Variants in BOK observed in about 807,000 individuals in gnomAD.
BOK encodes bcl-2-related ovarian killer protein.
Under a neutral mutation model 18.3 loss-of-function variants are expected in BOK, and 20 were observed. The observed-to-expected ratio is 1.09, with a 90% CI of 0.77 to 1.59. The LOEUF is 1.59. Ranked by LOEUF, BOK falls within the 40% of genes most tolerant of loss-of-function variation. The pLI is 0.00. For missense variants in BOK, 348 were observed against 307.9 expected, an observed-to-expected ratio of 1.13 and a Z score of -0.97; for synonymous variants, 173 against 142.4, an observed-to-expected ratio of 1.21 and a Z score of -1.53.
chr2:241,572,436 C>G lies in BOK; in HGVS notation c.*14C>G. 1 of 1,591,296 alleles carries G rather than the reference C, an allele frequency of 6.3e-7. No homozygotes were observed. The highest frequency in any genetic ancestry group is 2.2e-5 in the East Asian group (1 of 44,612). ...CCAGAGAGATGAGCTGCCCACCTGG[C>G]AGTGGCCGCAGCCTGGCCCTCTGGG... is the stretch of plus-strand genomic sequence containing the variant. On this transcript the variant is annotated 3_prime_UTR_variant, in exon 5 of 5. Transcript: ENST00000318407.
chr2:241,564,353 G>A (rs2066577646), intron 3 of BOK, among the ~76,000 whole-genome samples: 1 of 152,180 alleles, frequency 6.6e-6, no homozygotes, highest in African/African-American at 2.4e-5. Context: ...CTCCTGGGGT[G>A]GCCTCAGAGC....
At chr2:241,555,004 G>A (rs901837654), upstream of BOK, among the ~76,000 whole-genome samples, 6 of 152,070 alleles carry the variant, frequency 3.9e-5, no homozygotes, top group African/African-American at 2.4e-5. Flanking sequence ...AAAGGTGACC[G>A]GAGAAATGTA....
upstream of BOK, among the ~76,000 whole-genome samples, chr2:241,558,222 T>G (rs906849113): frequency 6.6e-6 from 1 of 152,058 alleles, no homozygotes; most frequent in Non-Finnish European, 1.5e-5. Flanking sequence ...CCATTCACAA[T>G]AATTAATATG....
At chr2:241,571,442 G>A (rs2066717779) in intron 4 of BOK, among the ~76,000 whole-genome samples, 1 of 152,176 alleles carries the variant, frequency 6.6e-6, no homozygotes, top group African/African-American at 2.4e-5. Flanking sequence ...AGACCCCTCT[G>A]CTGGGGCCTT....
chr2:241,567,549 C>T lies in BOK; in HGVS notation c.350-2576C>T, dbSNP rs906451702. On this transcript the variant is annotated intron_variant, in intron 3 of 4. Coordinates refer to ENST00000318407, the MANE Select transcript of BOK (RefSeq NM_032515.5). ...TGCCCTTGAAGGAGGAACAGCCCCA[C>T]GTGCTGGGGAAGTGCAGCGGGTAGA... Among the ~76,000 whole-genome samples, 9 of 135,198 alleles carry T rather than the reference C, an allele frequency of 6.7e-5. 2 individuals carry two copies. The highest frequency in any genetic ancestry group is 1.3e-4 in the Non-Finnish European group (8 of 63,080). 88.7% of individuals were successfully genotyped at this position (135,198 alleles called of 152,430 possible). A position where few individuals can be genotyped will look rare whatever the true frequency, so the allele number is the denominator to read the frequency against.
chr2:241,560,124 C>T, intron 2 of BOK: 1 of 985,420 alleles, frequency 1.0e-6, no homozygotes, highest in Non-Finnish European at 1.2e-6. Context: ...ATTCCGAGGC[C>T]TCCGAGGCCC....
chr2:241,558,321 A>G (rs2066471485), upstream of BOK, among the ~76,000 whole-genome samples: 1 of 152,250 alleles, frequency 6.6e-6, no homozygotes, highest in African/African-American at 2.4e-5. Context: ...TACTAACCAT[A>G]AAGAAAATAT....
chr2:241,567,507 C>T (rs1285089959), intron 3 of BOK, among the ~76,000 whole-genome samples: 1 of 135,248 alleles, frequency 7.4e-6, no homozygotes, highest in Non-Finnish European at 1.6e-5. Flanking sequence ...CATCAGGCTC[C>T]GCTCCCCGCA....
chr2:241,552,577 G>A (rs1213494904), intron 1 of BOK, among the ~76,000 whole-genome samples: 1 of 152,180 alleles, frequency 6.6e-6, no homozygotes, highest in Non-Finnish European at 1.5e-5. Context: ...GGCTGCCGCC[G>A]CTGCTGAACC....
Position 241,572,942 on chromosome 2 carries a change from G to T in BOK, c.*520G>T, listed in dbSNP as rs1466550479. On this transcript the variant is annotated 3_prime_UTR_variant, in exon 5 of 5. Transcript: ENST00000318407. ...TCTCACCTGAGCCCCAGGTGAAGGG[G>T]CCCGGGAACACCTGCTCTCACCTGA... The T allele has an allele frequency of 8.8e-6, 1 of 113,544 alleles. No homozygotes were observed. The highest frequency in any genetic ancestry group is 1.8e-5 in the Non-Finnish European group (1 of 55,634). 7.0% of individuals were successfully genotyped at this position (113,544 alleles called of 1,614,324 possible). A position where few individuals can be genotyped will look rare whatever the true frequency, so the allele number is the denominator to read the frequency against.
rs774889642 is a variant in BOK at position 241,562,314 on chromosome 2, G to A, written c.221-34G>A. The A allele has an allele frequency of 1.3e-6, 2 of 1,560,576 alleles. No homozygotes were observed. The highest frequency in any genetic ancestry group is 2.7e-5 in the African/African-American group (2 of 73,948). ...GTCGTGTCCCAGGAAGCTGGGACGT[G>A]GGCTGCCTCTCACCTGCTCTTGTGA... On this transcript the variant is annotated intron_variant, in intron 2 of 4. Coordinates refer to ENST00000318407, the MANE Select transcript of BOK (RefSeq NM_032515.5). This position sits in a 1 kb window ranked among gnomAD's most constrained non-coding sequence, Gnocchi z 4.5.
upstream of BOK, among the ~76,000 whole-genome samples, chr2:241,557,931 G>C (rs900333314): frequency 6.6e-6 from 1 of 152,156 alleles, no homozygotes; most frequent in Non-Finnish European, 1.5e-5. Flanking sequence ...GTGCACATGG[G>C]AAGAATAAGT....
intron 3 of BOK, among the ~76,000 whole-genome samples, chr2:241,568,233 G>A (rs1224263760): frequency 1.3e-5 from 2 of 152,152 alleles, no homozygotes; most frequent in Non-Finnish European, 2.9e-5. Context: ...CCATTCTCCT[G>A]CCTCAGCCTC....
At position 241,570,391 on chromosome 2, in the gene BOK, G is replaced by A; in HGVS notation, c.513+103G>A. The A allele has an allele frequency of 9.5e-6, 8 of 844,160 alleles. No individual in the cohort carries two copies. In the South Asian group the frequency reaches 1.3e-4, roughly 13 times the overall value. 52.3% of individuals were successfully genotyped at this position (844,160 alleles called of 1,614,324 possible). On this transcript the variant is annotated intron_variant, in intron 4 of 4. Transcript: ENST00000318407. The stretch of plus-strand genomic sequence containing the variant: ...GTGAGCCTCTGAGCGCCTGGGGGGT[G>A]GGAGAGCTGGGGTGCGAGGGTACAG...
intron 3 of BOK, among the ~76,000 whole-genome samples, chr2:241,569,310 T>G (rs2066667118): frequency 9.2e-6 from 1 of 109,060 alleles, no homozygotes; most frequent in Non-Finnish European, 1.8e-5. Context: ...TTTTTGTGTA[T>G]TTTTAGTAGA....
In BOK at chr2:241,570,132, G is replaced by A. The variant is rs116974074; in HGVS notation, c.357G>A (p.Thr119=). ...CCATCTCTCTCCCTGCAGGCATCAC[G>A]TGGGGCAAGGTGGTGTCCCTGTATG... ...VAGHIFSAGI[T]WGKVVSLYAV... Residue 119 remains threonine, a synonymous_variant, in exon 4 of 5, where the codon ACG becomes ACA. Transcript: ENST00000318407. 271 of 1,611,148 alleles carry A rather than the reference G, an allele frequency of 1.7e-4. No homozygotes were observed. The African/African-American group carries it at 1.8e-3, about 11-fold the overall frequency.
At chr2:241,552,762 C>T (rs750586032) in intron 1 of BOK, among the ~76,000 whole-genome samples, 6 of 152,212 alleles carry the variant, frequency 3.9e-5, no homozygotes, top group Admixed American at 1.3e-4. Flanking sequence ...AAAGGACAAG[C>T]GGTTCGGTCA....
At chr2:241,559,968 A>C (rs976425169) in intron 2 of BOK, 9 of 710,448 alleles carry the variant, frequency 1.3e-5, no homozygotes, top group Non-Finnish European at 1.6e-5. Context: ...AGAAAGAATA[A>C]TCTATTAGTG....
chr2:241,564,460 G>A (rs915700038), intron 3 of BOK, among the ~76,000 whole-genome samples: 1 of 152,104 alleles, frequency 6.6e-6, no homozygotes, highest in South Asian at 2.1e-4. Context: ...AGCTGAGGGT[G>A]GGGGGCCGGG....
Sources: gnomAD v4.1 joint callset for allele counts (sites outside exome capture counted in the v4.1 genomes callset) on GRCh38, gnomAD v4.1.1 for gene constraint, Gnocchi (gnomAD v3.1) non-coding constraint, MANE v1.5 for transcripts, NCBI Gene and HGNC (gene_info 2026-07-23, HGNC 2026-07-21) for gene names.